PLGRKT: variants seen among roughly 807,000 people sequenced by gnomAD.
The protein encoded by PLGRKT is plasminogen receptor (KT).
In PLGRKT, 22 loss-of-function variants were observed where a neutral mutation model predicts 18.5. The ratio of observed to expected loss-of-function variants is 1.19; its 90% CI spans 0.85 to 1.70. PLGRKT has a LOEUF of 1.70. PLGRKT is among the 40% of genes most tolerant of loss of function. The pLI is 0.00. For missense variants in PLGRKT, 235 were observed against 174.4 expected, an observed-to-expected ratio of 1.35 and a Z score of -1.96; for synonymous variants, 72 against 52.8, an observed-to-expected ratio of 1.36 and a Z score of -1.58.
rs1223858439 is a variant in PLGRKT, at chr9:5,418,413, G to A, written c.81+13484C>T. The A allele has an allele frequency of 2.3e-6, 2 of 856,160 alleles. No individual in the cohort carries two copies. The allele number at this position is 856,160 out of a possible 1,614,324, so 53.0% of individuals were successfully genotyped here. A position where few individuals can be genotyped will look rare whatever the true frequency, so the allele number is the denominator to read the frequency against. On this transcript the variant is annotated intron_variant, in intron 3 of 5. Coordinates refer to ENST00000223864, the MANE Select transcript of PLGRKT (RefSeq NM_018465.4). The surrounding 1 kb of genome is among the most constrained non-coding windows in gnomAD (Gnocchi z 4.2). ...TCAAGCGCTTAGAAATGCAGGACATGTTATGGAGCACGATGCTGAGGAGGA... is the reference window on the plus strand; with the variant it reads ...TCAAGCGCTTAGAAATGCAGGACATATTATGGAGCACGATGCTGAGGAGGA...
chr9:5,386,867 A>C (rs897626731), intron 3 of PLGRKT, among the ~76,000 whole-genome samples: 1 of 151,948 alleles, frequency 6.6e-6, no homozygotes, highest in African/African-American at 2.4e-5. Flanking sequence ...TCAGGAAAGG[A>C]AACTGCTCAC....
intron 3 of PLGRKT, among the ~76,000 whole-genome samples, chr9:5,378,180 CCAA>C (rs1459845831): frequency 6.6e-5 from 10 of 152,134 alleles, no homozygotes; most frequent in African/African-American, 2.2e-4. Flanking sequence ...TTGAGGGAAA[CCAA>C]CAGCGTAATA....
intron 3 of PLGRKT, among the ~76,000 whole-genome samples, chr9:5,422,388 AG>A (rs1019981959): frequency 6.6e-6 from 1 of 152,260 alleles, no homozygotes; most frequent in African/African-American, 2.4e-5. Flanking sequence ...ACCACTTCAT[AG>A]GAAGAATGAA....
chr9:5,375,370 T>C (rs1817608202), intron 3 of PLGRKT, among the ~76,000 whole-genome samples: 1 of 152,084 alleles, frequency 6.6e-6, no homozygotes, highest in African/African-American at 2.4e-5. Flanking sequence ...GAAAGGAAAA[T>C]GCATGAGCTT....
At chr9:5,405,878 C>G (rs1818245771) in intron 3 of PLGRKT, among the ~76,000 whole-genome samples, 2 of 152,086 alleles carry the variant, frequency 1.3e-5, no homozygotes, top group Admixed American at 6.5e-5. Context: ...GGTCTAATAT[C>G]CAGAATCTAC....
chr9:5,389,612 C>T (rs1817909057), intron 3 of PLGRKT, among the ~76,000 whole-genome samples: 1 of 151,666 alleles, frequency 6.6e-6, no homozygotes, highest in Non-Finnish European at 1.5e-5. Context: ...CTAGGAAGAC[C>T]CCAATTGCTT....
In PLGRKT at chr9:5,418,461, G is replaced by C. The variant is rs1586738773; in HGVS notation, c.81+13436C>G. The C allele has an allele frequency of 6.7e-6, 7 of 1,049,414 alleles. No individual in the cohort carries two copies. In the East Asian group the frequency reaches 1.5e-4, roughly 23 times the overall value. The allele number at this position is 1,049,414 out of a possible 1,614,324, so 65.0% of individuals were successfully genotyped here. A position where few individuals can be genotyped will look rare whatever the true frequency, so the allele number is the denominator to read the frequency against. ...GGAAGACCAAGACGCAAGCCACCAA[G>C]ATGACAGTGCACACCCTCAACCACA... On this transcript the variant is annotated intron_variant, in intron 3 of 5. Transcript: ENST00000223864. This position sits in a 1 kb window ranked among gnomAD's most constrained non-coding sequence, Gnocchi z 4.2.
intron 2 of PLGRKT, among the ~76,000 whole-genome samples, chr9:5,432,709 G>A (rs1218239228): frequency 6.6e-6 from 1 of 152,218 alleles, no homozygotes; most frequent in African/African-American, 2.4e-5. Context: ...TGTTGACTGG[G>A]CTGGTCTCGA....
At chr9:5,360,694 TAG>T (rs1459776071) in intron 5 of PLGRKT, among the ~76,000 whole-genome samples, 2 of 152,340 alleles carry the variant, frequency 1.3e-5, no homozygotes, top group African/African-American at 4.8e-5. Context: ...ATAGATACAA[TAG>T]CTATAAATAA....
At chr9:5,427,195 A>G (rs1374245140) in intron 3 of PLGRKT, among the ~76,000 whole-genome samples, 2 of 152,178 alleles carry the variant, frequency 1.3e-5, no homozygotes, top group African/African-American at 2.4e-5. Flanking sequence ...CCCCTTGTCT[A>G]GTGTAGCCAA....
chr9:5,392,975 G>C (rs1160836944), intron 3 of PLGRKT, among the ~76,000 whole-genome samples: 2 of 151,622 alleles, frequency 1.3e-5, no homozygotes, highest in African/African-American at 4.9e-5. Context: ...CCGAGTAGCT[G>C]TGATTACAGG....
intron 3 of PLGRKT, among the ~76,000 whole-genome samples, chr9:5,375,492 C>T (rs891891906): frequency 5.9e-5 from 9 of 151,948 alleles, no homozygotes; most frequent in Non-Finnish European, 1.2e-4. Flanking sequence ...CCTAAATGTA[C>T]CAAATGAAAT....
At chr9:5,362,482 C>T (rs1190901002) in intron 3 of PLGRKT, among the ~76,000 whole-genome samples, 1 of 152,148 alleles carries the variant, frequency 6.6e-6, no homozygotes, top group Non-Finnish European at 1.5e-5. Context: ...GAGAAGGAAA[C>T]TGAATTTCTA....
At chr9:5,398,645 G>A (rs1265484036) in intron 3 of PLGRKT, among the ~76,000 whole-genome samples, 2 of 151,642 alleles carry the variant, frequency 1.3e-5, no homozygotes, top group Admixed American at 6.6e-5. Flanking sequence ...CAATATGGGG[G>A]TATAAAGCCT....
At chr9:5,412,951 A>AC (rs895456695) in intron 3 of PLGRKT, among the ~76,000 whole-genome samples, 2 of 152,184 alleles carry the variant, frequency 1.3e-5, no homozygotes, top group African/African-American at 4.8e-5. Flanking sequence ...CACAAAAAAA[A>AC]CAAGATATAT....
intron 3 of PLGRKT, among the ~76,000 whole-genome samples, chr9:5,363,138 T>C (rs568152472): frequency 7.5e-4 from 114 of 151,630 alleles, no homozygotes; most frequent in Non-Finnish European, 1.5e-3. Context: ...AACAGACACT[T>C]GGGGAGTGAA....
chr9:5,377,395 ATACAT>A (rs1817650295), intron 3 of PLGRKT, among the ~76,000 whole-genome samples: 1 of 152,120 alleles, frequency 6.6e-6, no homozygotes, highest in Non-Finnish European at 1.5e-5. Context: ...ATACTAAAAA[ATACAT>A]TAAAAAGGAA....
chr9:5,411,479 T>C (rs535412893), intron 3 of PLGRKT, among the ~76,000 whole-genome samples: 1 of 151,942 alleles, frequency 6.6e-6, no homozygotes, highest in East Asian at 1.9e-4. Flanking sequence ...CTTCTCCCCA[T>C]CTTAGAGATG....
Position 5,386,649 on chromosome 9 carries a change from A to G in PLGRKT, c.82-24761T>C, listed in dbSNP as rs1046923162. Reference sequence around the variant, plus strand: ...TGCTCCTGCCCCAGGGGAGCTCTCAACCTCACTCCAGCCTTCATCTTTTCC... The same window carrying G: ...TGCTCCTGCCCCAGGGGAGCTCTCAGCCTCACTCCAGCCTTCATCTTTTCC... On this transcript the variant is annotated intron_variant, in intron 3 of 5. Coordinates refer to ENST00000223864, the MANE Select transcript of PLGRKT (RefSeq NM_018465.4). Among the ~76,000 whole-genome samples the G allele has an allele frequency of 9.2e-5, 14 of 151,666 alleles. 1 individual carries two copies. The highest frequency in any genetic ancestry group is 9.2e-4 in the Admixed American group (14 of 15,248).
Sources: gnomAD v4.1 joint callset for allele counts (sites outside exome capture counted in the v4.1 genomes callset) on GRCh38, gnomAD v4.1.1 for gene constraint, Gnocchi (gnomAD v3.1) non-coding constraint, MANE v1.5 for transcripts, NCBI Gene and HGNC (gene_info 2026-07-23, HGNC 2026-07-21) for gene names.